Variants in HS3ST4 observed in about 807,000 individuals in gnomAD.
HS3ST4 encodes the protein heparan sulfate-glucosamine 3-sulfotransferase 4, also known as heparan sulfate glucosamine 3-O-sulfotransferase 4.
A neutral mutation model predicts 29.2 loss-of-function variants in HS3ST4; 17 were observed. The observed-to-expected ratio is 0.58, with a 90% CI of 0.40 to 0.87. The LOEUF (loss-of-function observed/expected upper bound fraction) is 0.87. Ranked by LOEUF, HS3ST4 falls within the 40% of genes least tolerant of loss-of-function variation. The pLI is 0.00. For missense variants in HS3ST4, 627 were observed against 634.5 expected (o/e 0.99, Z 0.13); for synonymous variants, 314 against 285.7 (o/e 1.10, Z -1.00).
rs2030995192 is a variant in HS3ST4 at position 26,136,808 on chromosome 16, A to C, written c.*560A>C. The C allele has an allele frequency of 1.3e-5, 2 of 154,704 alleles. No individual in the cohort carries two copies. The highest frequency in any genetic ancestry group is 1.3e-4 in the Admixed American group (2 of 15,910). The allele number at this position is 154,704 out of a possible 1,614,324, so 9.6% of individuals were successfully genotyped here. A position where few individuals can be genotyped will look rare whatever the true frequency, so the allele number is the denominator to read the frequency against. On this transcript the variant is annotated 3_prime_UTR_variant, in exon 2 of 2. Coordinates refer to ENST00000331351, the MANE Select transcript of HS3ST4 (RefSeq NM_006040.3). ...TAAAGGTCTCATCCCACAACCCCTG[A>C]CTTCCTCCCTCCCCACATCATGAAG...
At chr16:26,091,310 A>G (rs1266619707) in intron 1 of HS3ST4, among the ~76,000 whole-genome samples, 2 of 152,210 alleles carry the variant, frequency 1.3e-5, no homozygotes, top group African/African-American at 2.4e-5. Flanking sequence ...GTGTTGTTGG[A>G]TAGATTAATC....
intron 1 of HS3ST4, among the ~76,000 whole-genome samples, chr16:25,994,732 T>C (rs1043762853): frequency 2.0e-5 from 3 of 151,558 alleles, no homozygotes; most frequent in African/African-American, 4.9e-5. Context: ...CTAAAAAAAA[T>C]ATATAAGTAC....
At chr16:25,818,186 A>G (rs1309294057) in intron 1 of HS3ST4, among the ~76,000 whole-genome samples, 10 of 152,194 alleles carry the variant, frequency 6.6e-5, no homozygotes, top group African/African-American at 9.6e-5. Flanking sequence ...CCCAAAATCC[A>G]TATGTTGAAA....
chr16:25,821,652 C>T (rs1432363790), intron 1 of HS3ST4, among the ~76,000 whole-genome samples: 1 of 152,084 alleles, frequency 6.6e-6, no homozygotes, highest in Non-Finnish European at 1.5e-5. Flanking sequence ...CGCTGCTGGG[C>T]ACGGTGGCTC....
chr16:25,816,288 T>C (rs1280936082), intron 1 of HS3ST4, among the ~76,000 whole-genome samples: 2 of 152,142 alleles, frequency 1.3e-5, no homozygotes. Context: ...CTGTCCTATC[T>C]TCTAAAATCC....
rs78746750 is a variant in HS3ST4, at chr16:25,703,943, A to G, written c.734+10792A>G. 9.1e-4 allele frequency among the ~76,000 whole-genome samples: 138 copies of G among 152,236 alleles called. 3 individuals carry two copies. The East Asian group carries it at 0.019, about 21-fold the overall frequency. ...CTGTTTTATTTTCTCCAGCACATCT[A>G]TTGCTCTCCAAAGTTATCCTCATTA... On this transcript the variant is annotated intron_variant, in intron 1 of 1. Coordinates refer to ENST00000331351, the MANE Select transcript of HS3ST4 (RefSeq NM_006040.3).
chr16:25,929,863 C>G (rs1008828598), intron 1 of HS3ST4, among the ~76,000 whole-genome samples: 1 of 152,060 alleles, frequency 6.6e-6, no homozygotes, highest in Admixed American at 6.6e-5. Context: ...GGTAAACTTG[C>G]GTCATGGGCT....
chr16:25,956,013 A>C, intron 1 of HS3ST4, among the ~76,000 whole-genome samples: 1 of 151,904 alleles, frequency 6.6e-6, no homozygotes, highest in East Asian at 1.9e-4. Flanking sequence ...ATGGGGTTTC[A>C]CTATATAGGT....
At chr16:26,044,974 G>T (rs922644440) in intron 1 of HS3ST4, among the ~76,000 whole-genome samples, 1 of 152,116 alleles carries the variant, frequency 6.6e-6, no homozygotes, top group African/African-American at 2.4e-5. Context: ...AAATCTCAAC[G>T]CTCTCCTGGG....
intron 1 of HS3ST4, among the ~76,000 whole-genome samples, chr16:25,754,876 T>TC (rs1408676320): frequency 2.7e-5 from 4 of 150,584 alleles, no homozygotes; most frequent in African/African-American, 9.9e-5. Context: ...CATCCACCCA[T>TC]CCATCTATCC....
At chr16:25,823,895 T>C (rs147280973) in intron 1 of HS3ST4, among the ~76,000 whole-genome samples, 1,901 of 152,296 alleles carry the variant, frequency 0.012, 18 homozygotes, top group Middle Eastern at 0.027. Flanking sequence ...TATTCTCTTA[T>C]TTTTTGCCTT....
At chr16:26,023,504 A>T (rs1445536271) in intron 1 of HS3ST4, among the ~76,000 whole-genome samples, 1 of 151,902 alleles carries the variant, frequency 6.6e-6, no homozygotes, top group African/African-American at 2.4e-5. Context: ...AGCTCAAATG[A>T]TCCTCCCACC....
intron 1 of HS3ST4, among the ~76,000 whole-genome samples, chr16:26,091,762 G>A (rs1342101638): frequency 6.6e-6 from 1 of 152,172 alleles, no homozygotes; most frequent in Non-Finnish European, 1.5e-5. Context: ...AAGTTCCCAT[G>A]ATGTGCCAAG....
At chr16:26,060,391 G>A (rs1009342332) in intron 1 of HS3ST4, among the ~76,000 whole-genome samples, 19 of 152,146 alleles carry the variant, frequency 1.2e-4, no homozygotes, top group African/African-American at 2.7e-4. Context: ...ACACCAGCTC[G>A]TCTTACTCCC....
chr16:25,703,361 C>G (rs557894587), intron 1 of HS3ST4, among the ~76,000 whole-genome samples: 1 of 152,218 alleles, frequency 6.6e-6, no homozygotes, highest in South Asian at 2.1e-4. Context: ...TATTGTATCA[C>G]GTGTGCCAGG....
At chr16:25,764,145 C>T (rs548128303) in intron 1 of HS3ST4, among the ~76,000 whole-genome samples, 8 of 152,020 alleles carry the variant, frequency 5.3e-5, no homozygotes, top group East Asian at 1.9e-4. Context: ...CAGGTGTGTG[C>T]GGGAAGATGA....
intron 1 of HS3ST4, among the ~76,000 whole-genome samples, chr16:25,939,428 C>G (rs1968552007): frequency 6.6e-6 from 1 of 151,780 alleles, no homozygotes; most frequent in Admixed American, 6.6e-5. Context: ...ACCTCCGCCT[C>G]CCAGGTTCAA....
chr16:25,990,681 GAAAT>G (rs1969106677), intron 1 of HS3ST4, among the ~76,000 whole-genome samples: 2 of 152,196 alleles, frequency 1.3e-5, no homozygotes, highest in South Asian at 4.1e-4. Context: ...TGCAGATAAA[GAAAT>G]AGAGATCAGA....
At position 25,933,399 on chromosome 16, in the gene HS3ST4, G is replaced by T. The variant is rs767678801; in HGVS notation, c.735-202213G>T. The T allele has an allele frequency of 1.9e-5, 10 of 516,472 alleles. No homozygotes were observed. In the East Asian group the frequency reaches 5.5e-4, roughly 28 times the overall value. The allele number at this position is 516,472 out of a possible 1,614,324, so 32.0% of individuals were successfully genotyped here. On this transcript the variant is annotated intron_variant, in intron 1 of 1. Coordinates refer to ENST00000331351, the MANE Select transcript of HS3ST4 (RefSeq NM_006040.3). ...TCTCAAACAGAGGTGTCTTGAACTGGCTTTCCACCTTCCATAGCATTTGAA... is the reference window on the plus strand; with the variant it reads ...TCTCAAACAGAGGTGTCTTGAACTGTCTTTCCACCTTCCATAGCATTTGAA...
Sources: allele counts gnomAD v4.1 joint callset (sites outside exome capture counted in the v4.1 genomes callset), GRCh38; gene constraint gnomAD v4.1.1; transcripts MANE v1.5; gene names NCBI Gene and HGNC (gene_info 2026-07-23, HGNC 2026-07-21).